Variants in PCP4L1 observed in about 807,000 individuals in gnomAD.
PCP4L1 encodes the protein Purkinje cell protein 4 like 1.
In PCP4L1, 9 loss-of-function variants were observed where a neutral mutation model predicts 9.6. That is an observed-to-expected ratio of 0.94 (90% CI 0.57 to 1.64). The LOEUF (loss-of-function observed/expected upper bound fraction) is 1.64, where lower values mean the gene tolerates loss of function less well. Among genes scored for constraint, PCP4L1 ranks in the 40% most tolerant of loss-of-function variants. PCP4L1 has a pLI of 0.00. For synonymous variants in PCP4L1, 31 were observed against 28.2 expected (o/e 1.10, Z -0.31); for missense variants, 81 against 80.8 (o/e 1.00, Z -0.01).
At chr1:161,283,542 C>T (rs1669857443) in intron 1 of PCP4L1, 126 bp from the exon 2 acceptor site, 1 of 820,244 alleles carries the variant, frequency 1.2e-6, no homozygotes, top group South Asian at 2.0e-5. Flanking sequence ...AGACTTGCTT[C>T]TTCAAAAGAC....
At chr1:161,264,917 T>G (rs1284774188) in intron 1 of PCP4L1, among the ~76,000 whole-genome samples, 1 of 152,150 alleles carries the variant, frequency 6.6e-6, no homozygotes, top group Non-Finnish European at 1.5e-5. Context: ...AGATAATATT[T>G]TATCAACAGG....
At chr1:161,267,730 CAG>C (rs1384340990) in intron 1 of PCP4L1, among the ~76,000 whole-genome samples, 3 of 108,708 alleles carry the variant, frequency 2.8e-5, no homozygotes, top group Non-Finnish European at 3.9e-5. Context: ...TTTTTTTAGA[CAG>C]AGTCTGGCTC....
chr1:161,281,110 T>C (rs1303960276), intron 1 of PCP4L1, among the ~76,000 whole-genome samples: 1 of 152,180 alleles, frequency 6.6e-6, no homozygotes, highest in Non-Finnish European at 1.5e-5. Flanking sequence ...CTAATCCATT[T>C]AACCCTGAGT....
At chr1:161,273,931 T>G (rs1173188800) in intron 1 of PCP4L1, among the ~76,000 whole-genome samples, 2 of 152,152 alleles carry the variant, frequency 1.3e-5, no homozygotes, top group Non-Finnish European at 2.9e-5. Flanking sequence ...GATTGAGAGA[T>G]AGTGTAGGAT....
At position 161,284,360 on chromosome 1, in the gene PCP4L1, A is replaced by C. The variant is rs767597963; in HGVS notation, c.86A>C (p.Lys29Thr). ...EEKGKAGNVKKAEEEEEIDID... is the reference protein window; with the variant it reads ...EEKGKAGNVKTAEEEEEIDID... The stretch of plus-strand genomic sequence containing the variant: ...GCAGGAAAAGCTGGCAATGTCAAGA[A>C]GGCGGAGGAGGAGGAGGAGATTGAC... Residue 29 changes from lysine (K) to threonine (T), a missense_variant, in exon 3 of 3, where the codon AAG becomes ACG. Transcript: ENST00000504449. The C allele has an allele frequency of 5.0e-6, 8 of 1,614,026 alleles. No individual in the cohort carries two copies. The highest frequency in any genetic ancestry group is 6.8e-6 in the Non-Finnish European group (8 of 1,179,890).
chr1:161,261,990 T>C (rs1431549593), intron 1 of PCP4L1, among the ~76,000 whole-genome samples: 1 of 152,238 alleles, frequency 6.6e-6, no homozygotes, highest in African/African-American at 2.4e-5. Context: ...AGAGTGATAC[T>C]ATTCTGTTAT....
At chr1:161,260,813 C>T (rs969586881) in intron 1 of PCP4L1, among the ~76,000 whole-genome samples, 1 of 152,222 alleles carries the variant, frequency 6.6e-6, no homozygotes, top group South Asian at 2.1e-4. Context: ...ATCAGTGTAC[C>T]CAAGTCTGCC....
chr1:161,275,794 CTTT>C (rs1191740761), intron 1 of PCP4L1, among the ~76,000 whole-genome samples: 8 of 134,160 alleles, frequency 6.0e-5, no homozygotes, highest in South Asian at 2.4e-4. Context: ...CTAGGTCATA[CTTT>C]TTTTTTTTTT....
chr1:161,283,649 A>T lies in PCP4L1; in HGVS notation c.10-19A>T, dbSNP rs1254604466. 3.8e-6 allele frequency: 6 copies of T among 1,576,670 alleles called. No homozygotes were observed. In the South Asian group the frequency reaches 4.6e-5, roughly 12 times the overall value. ...TTCCATGAATATCTAATATTCTGAT[A>T]TCCTAATATTTTTTCCAGCTTAATA... On this transcript the variant is annotated intron_variant, in intron 1 of 2. Coordinates refer to ENST00000504449, the MANE Select transcript of PCP4L1 (RefSeq NM_001102566.2).
intron 1 of PCP4L1, among the ~76,000 whole-genome samples, chr1:161,272,444 G>A (rs1669638849): frequency 6.6e-6 from 1 of 151,596 alleles, no homozygotes; most frequent in East Asian, 2.0e-4. Flanking sequence ...TGTAATCCCA[G>A]CTACGCGGGA....
intron 1 of PCP4L1, among the ~76,000 whole-genome samples, chr1:161,276,970 A>G (rs894692078): frequency 5.9e-5 from 9 of 152,168 alleles, no homozygotes; most frequent in Non-Finnish European, 1.3e-4. Flanking sequence ...GAATAGTTCA[A>G]GCCAGGTGCA....
chr1:161,267,545 A>AAG (rs1162579395), intron 1 of PCP4L1, among the ~76,000 whole-genome samples: 5 of 152,170 alleles, frequency 3.3e-5, no homozygotes, highest in Admixed American at 3.3e-4. Context: ...AACGCTATTA[A>AAG]AGATGAAAGC....
chr1:161,277,227 G>GA (rs1416657775), intron 1 of PCP4L1, among the ~76,000 whole-genome samples: 7 of 152,164 alleles, frequency 4.6e-5, no homozygotes, highest in Non-Finnish European at 8.8e-5. Flanking sequence ...CTTAAGGAAA[G>GA]AAAAAATAGT....
intron 1 of PCP4L1, among the ~76,000 whole-genome samples, chr1:161,282,427 G>GGAGGGA: frequency 6.8e-6 from 1 of 146,134 alleles, no homozygotes; most frequent in East Asian, 2.1e-4. Context: ...AGGGGGAGGG[G>GGAGGGA]GAGGGAGAGG....
At chr1:161,266,917 A>G (rs1669541239) in intron 1 of PCP4L1, among the ~76,000 whole-genome samples, 1 of 152,126 alleles carries the variant, frequency 6.6e-6, no homozygotes, top group African/African-American at 2.4e-5. Context: ...AGAGGCCTCT[A>G]TAAGGTTTTT....
chr1:161,269,807 T>C (rs1669591732), intron 1 of PCP4L1, among the ~76,000 whole-genome samples: 1 of 152,136 alleles, frequency 6.6e-6, no homozygotes, highest in Non-Finnish European at 1.5e-5. Context: ...GAGACCAGCC[T>C]GGGCAACATG....
At chr1:161,265,792 G>A (rs1298887302) in intron 1 of PCP4L1, among the ~76,000 whole-genome samples, 1 of 137,434 alleles carries the variant, frequency 7.3e-6, no homozygotes, top group Non-Finnish European at 1.5e-5. Flanking sequence ...AGGCTGGAGT[G>A]CAGTGGCATG....
At chr1:161,282,113 A>G (rs1669830536) in intron 1 of PCP4L1, among the ~76,000 whole-genome samples, 1 of 152,140 alleles carries the variant, frequency 6.6e-6, no homozygotes, top group Non-Finnish European at 1.5e-5. Flanking sequence ...CACTGAGTGA[A>G]CAAGACTCCG....
At chr1:161,263,218 G>GGTTTTT (rs1158994909) in intron 1 of PCP4L1, among the ~76,000 whole-genome samples, 11 of 149,276 alleles carry the variant, frequency 7.4e-5, no homozygotes, top group South Asian at 4.2e-4. Flanking sequence ...GTAAATACAG[G>GGTTTTT]GTTTTTGTTT....
Sources: gnomAD v4.1 joint callset for allele counts (sites outside exome capture counted in the v4.1 genomes callset) on GRCh38, gnomAD v4.1.1 for gene constraint, MANE v1.5 for transcripts, NCBI Gene and HGNC (gene_info 2026-07-23, HGNC 2026-07-21) for gene names.